ST7: variants seen among roughly 807,000 people sequenced by gnomAD.
ST7 encodes suppression of tumorigenicity 7.
A neutral mutation model predicts 78.7 loss-of-function variants in ST7; 28 were observed. That is an observed-to-expected ratio of 0.36 (90% CI 0.26 to 0.49). The LOEUF is 0.49. ST7 is among the 20% of genes least tolerant of loss of function. The pLI is 0.99. For synonymous variants in ST7, 247 were observed against 249.6 expected, an observed-to-expected ratio of 0.99 and a Z score of 0.10; for missense variants, 418 against 696.0, an observed-to-expected ratio of 0.60 and a Z score of 4.49.
At chr7:117,106,616 C>CTTTTTTTTTT (rs758855564) in intron 2 of ST7, among the ~76,000 whole-genome samples, 2 of 107,726 alleles carry the variant, frequency 1.9e-5, no homozygotes, top group Non-Finnish European at 3.9e-5. Context: ...TTGTATCATT[C>CTTTTTTTTTT]TTTTTTTTTT....
chr7:117,066,418 A>G lies in ST7; in HGVS notation c.152-33344A>G, dbSNP rs577805741. 7.1e-4 allele frequency among the ~76,000 whole-genome samples: 108 copies of G among 152,222 alleles called. 1 individual carries two copies. The highest frequency in any genetic ancestry group is 2.5e-3 in the African/African-American group (104 of 41,550). On this transcript the variant is annotated intron_variant, in intron 1 of 15. Transcript: ENST00000323984. ...CTGTAGCAATGACTTTTTTTTTCTA[A>G]ATAGCTTTATTGAAATATAATTCAC...
chr7:117,229,928 C>G lies in ST7; in HGVS notation c.*71C>G. On this transcript the variant is annotated 3_prime_UTR_variant, in exon 16 of 16. Coordinates refer to ENST00000323984, the MANE Select transcript of ST7 (RefSeq NM_001369598.1). ...TCCTCTGTGCCAACTCCTTGTGGAC[C>G]GCAAGAAAGCATGACTTTGAAAAAG... 1 of 1,276,148 alleles carries G rather than the reference C, an allele frequency of 7.8e-7. No homozygotes were observed. Among genetic ancestry groups the G allele is most frequent in the Non-Finnish European group, 1.1e-6 (1 of 871,612 alleles). 79.1% of individuals were successfully genotyped at this position (1,276,148 alleles called of 1,614,324 possible).
At chr7:117,039,553 G>A (rs138372881) in intron 1 of ST7, among the ~76,000 whole-genome samples, 2 of 149,056 alleles carry the variant, frequency 1.3e-5, no homozygotes, top group South Asian at 2.1e-4. Flanking sequence ...CAGCCTGGGC[G>A]ACAGAGTGAG....
chr7:117,060,053 C>T (rs1798270816), intron 1 of ST7, among the ~76,000 whole-genome samples: 2 of 152,100 alleles, frequency 1.3e-5, no homozygotes, highest in African/African-American at 2.4e-5. Flanking sequence ...TTGGACTTTA[C>T]ACCTCCACCA....
At chr7:116,983,598 C>A (rs1165035287) in intron 1 of ST7, among the ~76,000 whole-genome samples, 1 of 152,152 alleles carries the variant, frequency 6.6e-6, no homozygotes, top group Non-Finnish European at 1.5e-5. Flanking sequence ...GCCCCCTGTT[C>A]TTATACCCTC....
At chr7:117,045,629 A>G (rs1315538133) in intron 1 of ST7, among the ~76,000 whole-genome samples, 2 of 152,150 alleles carry the variant, frequency 1.3e-5, no homozygotes, top group African/African-American at 2.4e-5. Context: ...CAATTTACCT[A>G]TTAATGCATA....
intron 1 of ST7, among the ~76,000 whole-genome samples, chr7:116,978,398 T>A (rs907916540): frequency 1.3e-5 from 2 of 152,110 alleles, no homozygotes; most frequent in African/African-American, 2.4e-5. Flanking sequence ...ACAGAGGAGA[T>A]CAAAGATAGA....
chr7:117,032,704 G>T (rs768815729), intron 1 of ST7, among the ~76,000 whole-genome samples: 2 of 152,184 alleles, frequency 1.3e-5, no homozygotes, highest in Admixed American at 6.5e-5. Flanking sequence ...AGCATGTTAT[G>T]TATGTGCATA....
chr7:117,111,606 T>C (rs1044419620), intron 2 of ST7, among the ~76,000 whole-genome samples: 1 of 152,228 alleles, frequency 6.6e-6, no homozygotes, highest in Non-Finnish European at 1.5e-5. Context: ...ACCATCTAGC[T>C]CACTCTTCCC....
chr7:117,033,034 T>A (rs112787179), intron 1 of ST7, among the ~76,000 whole-genome samples: 124 of 152,336 alleles, frequency 8.1e-4, no homozygotes, highest in Non-Finnish European at 1.3e-3. Context: ...TTCAGTTTGT[T>A]CATCTGTAAA....
At chr7:116,958,026 A>G (rs2116130014) in intron 1 of ST7, among the ~76,000 whole-genome samples, 1 of 152,248 alleles carries the variant, frequency 6.6e-6, no homozygotes, top group African/African-American at 2.4e-5. Context: ...TCACTCTGTC[A>G]CCCAGGCTGG....
chr7:117,154,819 G>A (rs943882844), intron 9 of ST7, among the ~76,000 whole-genome samples: 11 of 152,128 alleles, frequency 7.2e-5, no homozygotes, highest in Admixed American at 2.0e-4. Context: ...TATGTGAGTG[G>A]AATGAAAAGA....
intron 1 of ST7, among the ~76,000 whole-genome samples, chr7:116,961,758 TTTTC>T (rs1240393838): frequency 4.6e-5 from 7 of 151,812 alleles, no homozygotes; most frequent in African/African-American, 1.5e-4. Flanking sequence ...GACTATGGGG[TTTTC>T]TTTCTTTTTT....
At position 117,119,662 on chromosome 7, in the gene ST7, T is replaced by C. The variant is rs774065793; in HGVS notation, c.336T>C (p.Ser112=). ...TTCTGGGAGGGGTTGACAACAACTC[T>C]TCCAACAATTCTAATTCCAGTAACG... ...RPLLGGVDNN[S]SNNSNSSNGD... is the part of the protein sequence containing the mutation. The change falls in exon 3 of 16, where the codon TCT becomes TCC. Residue 112 remains serine, a synonymous_variant. Transcript: ENST00000323984. 5 of 1,613,822 alleles carry C rather than the reference T, an allele frequency of 3.1e-6. No homozygotes were observed. In the Admixed American group the frequency reaches 8.3e-5, roughly 27 times the overall value.
intron 1 of ST7, among the ~76,000 whole-genome samples, chr7:117,071,643 G>A (rs1798968772): frequency 6.6e-6 from 1 of 152,178 alleles, no homozygotes; most frequent in Non-Finnish European, 1.5e-5. Flanking sequence ...TGGCACACTG[G>A]GGTAAACTGA....
intron 1 of ST7, among the ~76,000 whole-genome samples, chr7:117,040,439 T>C (rs1797150356): frequency 6.6e-6 from 1 of 152,136 alleles, no homozygotes; most frequent in Non-Finnish European, 1.5e-5. Context: ...CACACACCCT[T>C]TTACAGATAT....
intron 9 of ST7, among the ~76,000 whole-genome samples, chr7:117,155,943 G>T (rs192264110): frequency 6.6e-6 from 1 of 152,282 alleles, no homozygotes; most frequent in African/African-American, 2.4e-5. Context: ...TCCCCAGCAT[G>T]CTTCTCTTCC....
chr7:116,985,157 T>C (rs974296363), intron 1 of ST7, among the ~76,000 whole-genome samples: 9 of 152,180 alleles, frequency 5.9e-5, no homozygotes, highest in African/African-American at 1.9e-4. Context: ...TTTTTAAGGG[T>C]AAAATTTAGG....
intron 2 of ST7, among the ~76,000 whole-genome samples, chr7:117,105,013 G>GAA (rs1386845598): frequency 6.6e-6 from 1 of 152,148 alleles, no homozygotes; most frequent in East Asian, 1.9e-4. Context: ...GTGGGACGGG[G>GAA]AAAAGAGGAA....
Sources: gnomAD v4.1 joint callset for allele counts (sites outside exome capture counted in the v4.1 genomes callset) on GRCh38, gnomAD v4.1.1 for gene constraint, MANE v1.5 for transcripts, NCBI Gene and HGNC (gene_info 2026-07-23, HGNC 2026-07-21) for gene names.